Variants in DHX57 observed in about 807,000 individuals in gnomAD.
The protein encoded by DHX57 is putative ATP-dependent RNA helicase DHX57.
Under a neutral mutation model 156.2 loss-of-function variants are expected in DHX57, and 105 were observed. That is an observed-to-expected ratio of 0.67 (90% CI 0.57 to 0.79). DHX57 has a LOEUF of 0.79. DHX57 is among the 30% of genes least tolerant of loss of function. DHX57 has a pLI of 0.00. For missense variants in DHX57, 1,847 were observed against 1,661.9 expected, an observed-to-expected ratio of 1.11 and a Z score of -1.94; for synonymous variants, 704 against 595.6, an observed-to-expected ratio of 1.18 and a Z score of -2.65.
At chr2:38,852,864 A>G (rs879760054) in intron 9 of DHX57, among the ~76,000 whole-genome samples, 9 of 152,190 alleles carry the variant, frequency 5.9e-5, no homozygotes, top group Admixed American at 2.0e-4. Flanking sequence ...GTGGTGCTTA[A>G]GGCCCTGGAA....
chr2:38,842,462 C>A (rs983166352), intron 12 of DHX57, among the ~76,000 whole-genome samples: 3 of 152,078 alleles, frequency 2.0e-5, no homozygotes, highest in African/African-American at 7.2e-5. Flanking sequence ...ATTTTGATCA[C>A]TGTACTGTGG....
intron 11 of DHX57, among the ~76,000 whole-genome samples, chr2:38,843,479 G>C (rs1410977604): frequency 1.3e-5 from 2 of 152,156 alleles, no homozygotes; most frequent in Non-Finnish European, 2.9e-5. Flanking sequence ...AAACACATTT[G>C]AGTTATAGCC....
chr2:38,811,783 CT>C, intron 21 of DHX57: 1 of 443,392 alleles, frequency 2.3e-6, no homozygotes, highest in Non-Finnish European at 4.2e-6. Context: ...TTGGTGAGTT[CT>C]TAGATATACA....
Position 38,818,081 on chromosome 2 carries a change from T to C in DHX57, c.3471+796A>G, listed in dbSNP as rs72911271. On this transcript the variant is annotated intron_variant, in intron 19 of 23. Transcript: ENST00000457308. ...AAAATCTGGTTCAGTATTAGTTCTT[T>C]GGTTTTGGGGAGAGGGGAAGGGGAT... 4.2e-3 allele frequency among the ~76,000 whole-genome samples: 645 copies of C among 152,308 alleles called. 3 individuals are homozygous for C. Among genetic ancestry groups the C allele is most frequent in the African/African-American group, 0.015 (605 of 41,558 alleles).
At position 38,875,906 on chromosome 2, in the gene DHX57, G is replaced by A; in HGVS notation, c.-126C>T. 2.5e-6 allele frequency: 1 copy of A among 396,576 alleles called. No homozygotes were observed. Among genetic ancestry groups the A allele is most frequent in the Non-Finnish European group, 4.4e-6 (1 of 225,332 alleles). The allele number at this position is 396,576 out of a possible 1,614,324, so 24.6% of individuals were successfully genotyped here. A position where few individuals can be genotyped will look rare whatever the true frequency, so the allele number is the denominator to read the frequency against. On this transcript the variant is annotated 5_prime_UTR_variant, in exon 1 of 24. Transcript: ENST00000457308. Reference sequence around the variant, plus strand: ...CTTGGAGCAGCCCTGCGGTGGCCCAGCTGCAGCGGCACAGTCCCGGCGCCT... The same window carrying A: ...CTTGGAGCAGCCCTGCGGTGGCCCAACTGCAGCGGCACAGTCCCGGCGCCT...
In DHX57 at chr2:38,861,425, G is replaced by C. The variant is rs769053347; in HGVS notation, c.985C>G (p.Gln329Glu). Residue 329 changes from glutamine (Q) to glutamate (E), a missense_variant, in exon 5 of 24, where the codon CAA becomes GAA. Transcript: ENST00000457308. ...CRFKHEVPPNQIVGRIERSVD... is the reference protein window; with the variant it reads ...CRFKHEVPPNEIVGRIERSVD... Reference sequence around the variant, plus strand: ...CTTCTTTCTATTCTTCCAACAATTTGATTTGGGGGCACTTCATGTTTGAAT... The same window carrying C: ...CTTCTTTCTATTCTTCCAACAATTTCATTTGGGGGCACTTCATGTTTGAAT... 6.2e-7 allele frequency: 1 copy of C among 1,614,032 alleles called. No homozygotes were observed. The highest frequency in any genetic ancestry group is 8.5e-7 in the Non-Finnish European group (1 of 1,180,022).
chr2:38,810,830 T>G, intron 21 of DHX57: 1 of 741,594 alleles, frequency 1.3e-6, no homozygotes, highest in Non-Finnish European at 2.4e-6. Context: ...GCTGGGGTCT[T>G]GCAGATACCT....
At position 38,848,306 on chromosome 2, in the gene DHX57, T is replaced by C; in HGVS notation, c.2127A>G (p.Ser709=). The C allele has an allele frequency of 1.2e-6, 2 of 1,609,652 alleles. No individual in the cohort carries two copies. ...MSATLNAELF[S]DYFNSCPVIT... ...TAACGGGGCAGGAATTAAAATAGTC[T>C]GAAAAAAGCTCAGCGTTTAGAGTTG... Residue 709 remains serine, a synonymous_variant, in exon 10 of 24, where the codon TCA becomes TCG. Transcript: ENST00000457308.
chr2:38,848,545 G>A (rs1572685871), intron 9 of DHX57, 143 bp from the exon 10 acceptor site: 2 of 792,146 alleles, frequency 2.5e-6, no homozygotes, highest in Non-Finnish European at 3.8e-6. Flanking sequence ...AATATGTCCT[G>A]TTCTTGGATG....
intron 1 of DHX57, among the ~76,000 whole-genome samples, chr2:38,874,795 C>T (rs534586449): frequency 6.6e-6 from 1 of 152,220 alleles, no homozygotes; most frequent in African/African-American, 2.4e-5. Flanking sequence ...GTTGTTCAAA[C>T]GTCAACTTTA....
In DHX57 at chr2:38,819,159, A is replaced by G. The variant is rs752916241; in HGVS notation, c.3292-15T>C. The stretch of plus-strand genomic sequence containing the variant: ...CAGGGAGATACCTAAAGGAGAGAGG[A>G]AAATCAGATTTAAAGAACACTTTTT... On this transcript the variant is annotated splice_polypyrimidine_tract_variant and intron_variant, in intron 17 of 23. Transcript: ENST00000457308. 3.1e-6 allele frequency: 5 copies of G among 1,609,872 alleles called. No individual in the cohort carries two copies. The African/African-American group carries it at 4.0e-5, about 13-fold the overall frequency.
At chr2:38,870,782 G>A (rs1665316146) in intron 1 of DHX57, among the ~76,000 whole-genome samples, 1 of 152,114 alleles carries the variant, frequency 6.6e-6, no homozygotes, top group African/African-American at 2.4e-5. Context: ...CGGAGGCTGA[G>A]GCAGGAGAAT....
In DHX57 at chr2:38,868,351, A is replaced by C. The variant is rs1219871266; in HGVS notation, c.55T>G (p.Ser19Ala). 1 of 1,613,500 alleles carries C rather than the reference A, an allele frequency of 6.2e-7. No homozygotes were observed. The highest frequency in any genetic ancestry group is 1.1e-5 in the South Asian group (1 of 91,056). The change falls in exon 2 of 24, where the codon TCT becomes GCT. Residue 19 changes from serine to alanine, a missense_variant. By Grantham distance (99) the Ser-to-Ala change is moderately conservative. Transcript: ENST00000457308. ...CTGCCTCCTCTTCCTCCTCTAGAAGACCCTTTTCCACCTCCTTTGCCTGGC... is the reference window on the plus strand; with the variant it reads ...CTGCCTCCTCTTCCTCCTCTAGAAGCCCCTTTTCCACCTCCTTTGCCTGGC... ...GKPGKGGGKG[S>A]SRGGRGGRSH... is the part of the protein sequence containing the mutation.
intron 13 of DHX57, among the ~76,000 whole-genome samples, chr2:38,835,553 T>G (rs938069721): frequency 1.3e-5 from 2 of 152,188 alleles, no homozygotes; most frequent in African/African-American, 4.8e-5. Context: ...CCAAAGACAC[T>G]GAAGTGATCT....
chr2:38,803,012 A>G (rs1006345062), intron 22 of DHX57, 97 bp from the exon 23 acceptor site: 5 of 1,347,458 alleles, frequency 3.7e-6, no homozygotes, highest in Non-Finnish European at 5.2e-6. Flanking sequence ...CCTATTAATG[A>G]CTCCCCAAAT....
intron 23 of DHX57, among the ~76,000 whole-genome samples, chr2:38,799,949 A>G (rs1669594149): frequency 6.6e-6 from 1 of 152,056 alleles, no homozygotes; most frequent in Non-Finnish European, 1.5e-5. Flanking sequence ...GCACTTTGGG[A>G]GGCCAAGGCG....
chr2:38,847,265 A>C (rs929739124), intron 10 of DHX57, among the ~76,000 whole-genome samples, 192 bp from the exon 11 acceptor site: 17 of 152,232 alleles, frequency 1.1e-4, no homozygotes, highest in Non-Finnish European at 7.3e-5. Context: ...AGTAAACAGA[A>C]GCAGTGTATA....
chr2:38,807,457 A>T (rs139064678), intron 21 of DHX57, among the ~76,000 whole-genome samples: 2,190 of 151,990 alleles, frequency 0.014, 63 homozygotes, highest in African/African-American at 0.05. Flanking sequence ...TCCCGGGTTC[A>T]CGCCATTCTC....
intron 21 of DHX57, among the ~76,000 whole-genome samples, chr2:38,812,105 ACT>A (rs1670277462): frequency 6.6e-6 from 1 of 152,002 alleles, no homozygotes; most frequent in Non-Finnish European, 1.5e-5. Context: ...ATAATTATAG[ACT>A]CACAGGAAGC....
Sources: allele counts gnomAD v4.1 joint callset (sites outside exome capture counted in the v4.1 genomes callset), GRCh38; gene constraint gnomAD v4.1.1; transcripts MANE v1.5; gene names NCBI Gene and HGNC (gene_info 2026-07-23, HGNC 2026-07-21).